Variants in INPP5A observed in about 807,000 individuals in gnomAD.
INPP5A encodes inositol polyphosphate-5-phosphatase A, also known as 43 kDa inositol polyphosphate 5-phophatase.
INPP5A carries 14 observed loss-of-function variants against 65.2 expected under a neutral mutation model. The observed-to-expected ratio is 0.21, with a 90% confidence interval of 0.14 to 0.34. INPP5A has a LOEUF of 0.34. Ranked by LOEUF, INPP5A falls within the 10% of genes least tolerant of loss-of-function variation. The pLI is 1.00. For synonymous variants in INPP5A, 207 were observed against 208.3 expected, an observed-to-expected ratio of 0.99 and a Z score of 0.05; for missense variants, 431 against 545.6, an observed-to-expected ratio of 0.79 and a Z score of 2.09.
rs1258146850 is a variant in INPP5A, at chr10:132,551,915, A to G, written c.75+13744A>G. Among the ~76,000 whole-genome samples, 1 of 152,216 alleles carries G rather than the reference A, an allele frequency of 6.6e-6. No individual in the cohort carries two copies. Among genetic ancestry groups the G allele is most frequent in the Non-Finnish European group, 1.5e-5 (1 of 68,032 alleles). ...GGAGCTCTGCCTGCCTTGCGGCCCA[A>G]CCTGGCAGTACCCCCCACACAGGGG... On this transcript the variant is annotated intron_variant, in intron 1 of 15. Coordinates refer to ENST00000368594, the MANE Select transcript of INPP5A (RefSeq NM_005539.5). This position sits in a 1 kb window ranked among gnomAD's most constrained non-coding sequence, Gnocchi z 5.3.
intron 4 of INPP5A, among the ~76,000 whole-genome samples, chr10:132,672,427 G>C (rs2072902845): frequency 6.6e-6 from 1 of 152,148 alleles, no homozygotes; most frequent in African/African-American, 2.4e-5. Context: ...GGGATCATGG[G>C]GGCAGGTCTT....
chr10:132,782,487 CCT>C lies in INPP5A; in HGVS notation c.*459_*460del, dbSNP rs1015250934. 6 of 202,740 alleles carry C rather than the reference CCT, an allele frequency of 3.0e-5. No homozygotes were observed. Among genetic ancestry groups the C allele is most frequent in the Admixed American group, 2.6e-4 (5 of 18,868 alleles). 12.6% of individuals were successfully genotyped at this position (202,740 alleles called of 1,614,324 possible). ...TCCCTCTGCCGGCCGGCAGCGTGGC[CCT>C]GAGCATGGCAAGGGGGTCTGTCTCT... On this transcript the variant is annotated 3_prime_UTR_variant, in exon 16 of 16. Transcript: ENST00000368594. This position sits in a 1 kb window ranked among gnomAD's most constrained non-coding sequence, Gnocchi z 4.4.
chr10:132,709,370 A>G (rs1845594787), intron 7 of INPP5A, among the ~76,000 whole-genome samples: 1 of 98,808 alleles, frequency 1.0e-5, no homozygotes, highest in Admixed American at 1.1e-4. Context: ...AGGAGAGGAG[A>G]ATGGGGAGGG....
chr10:132,691,183 G>A (rs1845254114), intron 5 of INPP5A, among the ~76,000 whole-genome samples: 1 of 152,178 alleles, frequency 6.6e-6, no homozygotes, highest in Admixed American at 6.5e-5. Flanking sequence ...CTGTGAAATT[G>A]CGCGGTAGTC....
Position 132,576,833 on chromosome 10 carries a change from G to A in INPP5A, c.76-31082G>A, listed in dbSNP as rs370356807. 3.6e-4 allele frequency among the ~76,000 whole-genome samples: 55 copies of A among 152,298 alleles called. No individual in the cohort carries two copies. The South Asian group carries it at 9.3e-3, about 26-fold the overall frequency. ...CAGCTGGGATGGGGAGCCGAGGGTC[G>A]CACCCAGACTCACACCCCAGAACCC... is the stretch of plus-strand genomic sequence containing the variant. On this transcript the variant is annotated intron_variant, in intron 1 of 15. Transcript: ENST00000368594.
In INPP5A at chr10:132,704,611, C is replaced by T. The variant is rs1170107639; in HGVS notation, c.475-3702C>T. Among the ~76,000 whole-genome samples the T allele has an allele frequency of 1.3e-5, 2 of 152,352 alleles. No homozygotes were observed. Among genetic ancestry groups the T allele is most frequent in the Middle Eastern group, 3.4e-3 (1 of 294 alleles). The stretch of plus-strand genomic sequence containing the variant: ...TGGCAGCCTGGCAGTCCTGTCTTAC[C>T]CACTGCCTTGAGGCCCTGGGTGCTG... On this transcript the variant is annotated intron_variant, in intron 6 of 15. Coordinates refer to ENST00000368594, the MANE Select transcript of INPP5A (RefSeq NM_005539.5). This position sits in a 1 kb window ranked among gnomAD's most constrained non-coding sequence, Gnocchi z 4.5.
intron 1 of INPP5A, among the ~76,000 whole-genome samples, chr10:132,544,071 G>A (rs1425587837): frequency 6.6e-6 from 1 of 152,238 alleles, no homozygotes; most frequent in Admixed American, 6.5e-5. Context: ...GCTGCCCCAT[G>A]TCACATCCCT....
intron 5 of INPP5A, among the ~76,000 whole-genome samples, chr10:132,693,089 T>C (rs1376147047): frequency 6.6e-6 from 1 of 152,196 alleles, no homozygotes; most frequent in Admixed American, 6.5e-5. Flanking sequence ...TATAGTATTA[T>C]TTAAAAGTGG....
chr10:132,630,323 G>A (rs1469680891), intron 2 of INPP5A, among the ~76,000 whole-genome samples: 2 of 149,926 alleles, frequency 1.3e-5, no homozygotes, highest in Non-Finnish European at 3.0e-5. Flanking sequence ...TGTGAGGGGA[G>A]GGTGTCCTCT....
At chr10:132,557,003 T>C (rs1180537080) in intron 1 of INPP5A, among the ~76,000 whole-genome samples, 1 of 152,226 alleles carries the variant, frequency 6.6e-6, no homozygotes, top group Non-Finnish European at 1.5e-5. Context: ...CACTCTTGGC[T>C]GAAAGTTTTC....
chr10:132,590,826 G>A (rs145122750), intron 1 of INPP5A, among the ~76,000 whole-genome samples: 151 of 152,332 alleles, frequency 9.9e-4, no homozygotes, highest in East Asian at 4.2e-3. Flanking sequence ...GCAGCCTGCC[G>A]TGTGGGTCAC....
intron 1 of INPP5A, among the ~76,000 whole-genome samples, chr10:132,576,216 C>G (rs1012498417): frequency 9.8e-5 from 15 of 152,350 alleles, no homozygotes; most frequent in African/African-American, 3.6e-4. Flanking sequence ...CTCTCCAGCC[C>G]TCTTGCCAGA....
chr10:132,736,755 G>C (rs974020770), intron 9 of INPP5A, among the ~76,000 whole-genome samples: 1 of 152,232 alleles, frequency 6.6e-6, no homozygotes, highest in African/African-American at 2.4e-5. Context: ...AGTGTGCACT[G>C]CGTCCTGGGA....
At chr10:132,615,097 G>A (rs1039434917) in intron 2 of INPP5A, among the ~76,000 whole-genome samples, 1 of 152,260 alleles carries the variant, frequency 6.6e-6, no homozygotes, top group African/African-American at 2.4e-5. Context: ...GCACTCAGAT[G>A]GAGGGATGGT....
At position 132,749,231 on chromosome 10, in the gene INPP5A, C is replaced by T. The variant is rs558957221; in HGVS notation, c.733-286C>T. Among the ~76,000 whole-genome samples the T allele has an allele frequency of 5.3e-5, 8 of 152,358 alleles. No individual in the cohort carries two copies. The South Asian group carries it at 6.2e-4, about 12-fold the overall frequency. ...CTGTGCCTTCCGAGCCTGCTGGTGT[C>T]GCACTGGCTTTTGCCCCAAAGCAGC... On this transcript the variant is annotated intron_variant, in intron 9 of 15. Transcript: ENST00000368594.
chr10:132,665,769 G>A (rs1400938584), intron 4 of INPP5A, among the ~76,000 whole-genome samples: 2 of 150,150 alleles, frequency 1.3e-5, no homozygotes, highest in Non-Finnish European at 3.0e-5. Context: ...CTGGGAGGCT[G>A]AGGCAGGTGA....
rs73401207 is a variant in INPP5A at position 132,620,765 on chromosome 10, C to T, written c.117+12809C>T. Among the ~76,000 whole-genome samples, 591 of 152,302 alleles carry T rather than the reference C, an allele frequency of 3.9e-3. 3 individuals carry two copies. Among genetic ancestry groups the T allele is most frequent in the African/African-American group, 0.014 (564 of 41,566 alleles). On this transcript the variant is annotated intron_variant, in intron 2 of 15. Transcript: ENST00000368594. The stretch of plus-strand genomic sequence containing the variant: ...ACAAAAACCCTCCCAGCCCAGATGG[C>T]TTCCCTGGTGAATTCTATATTTAAA...
At chr10:132,552,243 C>T (rs922986194) in intron 1 of INPP5A, among the ~76,000 whole-genome samples, 18 of 142,834 alleles carry the variant, frequency 1.3e-4, no homozygotes, top group Non-Finnish European at 2.6e-4. Context: ...TTGGTGAATG[C>T]CTTCTCAGAG....
intron 6 of INPP5A, among the ~76,000 whole-genome samples, chr10:132,703,509 A>T (rs183672356): frequency 7.5e-6 from 1 of 133,246 alleles, no homozygotes; most frequent in Non-Finnish European, 1.6e-5. Flanking sequence ...CTTCACCCAC[A>T]CACACACACA....
Sources: allele counts gnomAD v4.1 joint callset (sites outside exome capture counted in the v4.1 genomes callset), GRCh38; gene constraint gnomAD v4.1.1; non-coding constraint Gnocchi (gnomAD v3.1); transcripts MANE v1.5; gene names NCBI Gene and HGNC (gene_info 2026-07-23, HGNC 2026-07-21).